The following SEMA3D variants were observed in gnomAD, a reference collection of about 807,000 sequenced individuals.
SEMA3D encodes semaphorin-3D.
A neutral mutation model predicts 100.1 loss-of-function variants in SEMA3D; 84 were observed. That is an observed-to-expected ratio of 0.84 (90% confidence interval 0.70 to 1.01). The LOEUF is 1.01. Ranked by LOEUF, SEMA3D falls within the 50% of genes least tolerant of loss-of-function variation. The pLI, the probability that SEMA3D is intolerant of heterozygous loss-of-function variation, is 0.00. For missense variants in SEMA3D, 875 were observed against 934.1 expected, an observed-to-expected ratio of 0.94 and a Z score of 0.82; for synonymous variants, 312 against 320.7, an observed-to-expected ratio of 0.97 and a Z score of 0.29.
chr7:85,064,813 T>C (rs540676125), intron 8 of SEMA3D, among the ~76,000 whole-genome samples: 408 of 152,306 alleles, frequency 2.7e-3, no homozygotes, highest in Non-Finnish European at 4.6e-3. Context: ...TATTCTTATG[T>C]TTTTTAAAAA....
At chr7:85,034,302 TA>T (rs886485182) in intron 12 of SEMA3D, among the ~76,000 whole-genome samples, 2 of 152,034 alleles carry the variant, frequency 1.3e-5, no homozygotes, top group South Asian at 4.2e-4. Flanking sequence ...AAAAAATAGT[TA>T]AAAAAGCATT....
At position 85,012,851 on chromosome 7, in the gene SEMA3D, G is replaced by A. The variant is rs575976520; in HGVS notation, c.1704-5C>T. ...ACATCTTGGCGTCTAGCTCTCCTGC[G>A]GAAAGGGGATTAAACTTATTAGAAC... On this transcript the variant is annotated splice_region_variant and splice_polypyrimidine_tract_variant and intron_variant, in intron 16 of 18. Transcript: ENST00000284136. 2.7e-5 allele frequency: 44 copies of A among 1,608,702 alleles called. No homozygotes were observed. The highest frequency in any genetic ancestry group is 2.4e-4 in the African/African-American group (18 of 74,704).
intron 4 of SEMA3D, among the ~76,000 whole-genome samples, chr7:85,092,167 T>C (rs1023940321): frequency 5.3e-5 from 8 of 152,114 alleles, no homozygotes; most frequent in Non-Finnish European, 8.8e-5. Flanking sequence ...CGTCTTGTAC[T>C]AGTTCAAAAC....
chr7:85,042,390 C>A, intron 9 of SEMA3D, 105 bp from the exon 10 acceptor site: 1 of 775,756 alleles, frequency 1.3e-6, no homozygotes. Context: ...TCATTGTTTA[C>A]AAAGACACTG....
At chr7:85,142,673 CATTTT>C in intron 2 of SEMA3D, 1 of 675,884 alleles carries the variant, frequency 1.5e-6, no homozygotes, top group Non-Finnish European at 1.7e-6. Flanking sequence ...AGAAGGATGG[CATTTT>C]TTTTTTTTTT....
the SEMA3D span, among the ~76,000 whole-genome samples, chr7:85,193,507 G>T: frequency 1.3e-5 from 2 of 152,106 alleles, no homozygotes; most frequent in Non-Finnish European, 2.9e-5. Context: ...TATGACCAGC[G>T]TCTAACCTGC....
intron 11 of SEMA3D, among the ~76,000 whole-genome samples, chr7:85,037,363 C>A (rs115571632): frequency 2.6e-5 from 4 of 151,974 alleles, no homozygotes; most frequent in African/African-American, 7.2e-5. Flanking sequence ...ATAAAACAAA[C>A]CCTGGAGGAT....
At position 85,081,441 on chromosome 7, in the gene SEMA3D, G is replaced by A. The variant is rs10234351; in HGVS notation, c.375+76C>T. On this transcript the variant is annotated intron_variant, in intron 5 of 18. Transcript: ENST00000284136. ...ATAATACACTAATACCATTAATTCA[G>A]TAAAGCCCAATATAAATATTTGCTA... 88 of 943,078 alleles carry A rather than the reference G, an allele frequency of 9.3e-5. No individual in the cohort carries two copies. The African/African-American group carries it at 1.2e-3, about 12-fold the overall frequency. 58.4% of individuals were successfully genotyped at this position (943,078 alleles called of 1,614,324 possible).
At chr7:85,094,234 A>T (rs1157740452) in intron 4 of SEMA3D, among the ~76,000 whole-genome samples, 1 of 152,104 alleles carries the variant, frequency 6.6e-6, no homozygotes, top group African/African-American at 2.4e-5. Flanking sequence ...GAAGAGCCTT[A>T]GAAGTCAATA....
chr7:85,161,346 C>G (rs1325046662), intron 1 of SEMA3D, among the ~76,000 whole-genome samples: 2 of 149,570 alleles, frequency 1.3e-5, no homozygotes, highest in Non-Finnish European at 3.0e-5. Context: ...GAATGAATCA[C>G]TCACATAATT....
At chr7:85,104,377 T>TC (rs1193990116) in intron 3 of SEMA3D, among the ~76,000 whole-genome samples, 1 of 152,138 alleles carries the variant, frequency 6.6e-6, no homozygotes, top group African/African-American at 2.4e-5. Flanking sequence ...TATCTATATT[T>TC]CCTTTAGCAA....
At chr7:85,084,426 A>G (rs937958249) in intron 4 of SEMA3D, among the ~76,000 whole-genome samples, 1 of 152,170 alleles carries the variant, frequency 6.6e-6, no homozygotes, top group African/African-American at 2.4e-5. Flanking sequence ...GTTCTTCAAT[A>G]ATACAGTGAT....
intron 8 of SEMA3D, among the ~76,000 whole-genome samples, chr7:85,062,904 A>C (rs1355563742): frequency 1.3e-5 from 2 of 152,158 alleles, no homozygotes; most frequent in Non-Finnish European, 2.9e-5. Context: ...TGAAGTGTAG[A>C]GGGAGAGAAT....
the SEMA3D span, among the ~76,000 whole-genome samples, chr7:85,196,850 A>C: frequency 6.6e-6 from 1 of 152,324 alleles, no homozygotes; most frequent in South Asian, 2.1e-4. Context: ...ATAGTTACTG[A>C]GGATGGAAGT....
intron 2 of SEMA3D, among the ~76,000 whole-genome samples, chr7:85,137,124 G>C (rs1023443036): frequency 6.6e-6 from 1 of 151,812 alleles, no homozygotes; most frequent in African/African-American, 2.4e-5. Context: ...CTTTTTCAGG[G>C]ATCAATGTTA....
intron 18 of SEMA3D, among the ~76,000 whole-genome samples, chr7:85,005,523 A>G (rs1789771413): frequency 6.6e-6 from 1 of 152,096 alleles, no homozygotes; most frequent in African/African-American, 2.4e-5. Context: ...AACATTTAGA[A>G]AAAGTTATTC....
At chr7:85,075,231 G>C (rs548415941) in intron 5 of SEMA3D, among the ~76,000 whole-genome samples, 1 of 152,104 alleles carries the variant, frequency 6.6e-6, no homozygotes, top group Admixed American at 6.5e-5. Flanking sequence ...CAAAAGCTCA[G>C]TTAGAATTTA....
intron 1 of SEMA3D, chr7:85,167,538 G>A (rs1213637405): frequency 4.7e-5 from 11 of 235,196 alleles, no homozygotes; most frequent in Admixed American, 3.3e-4. Context: ...ATAAATACAC[G>A]AAATATCTTC....
chr7:85,119,224 A>T (rs1018628018), intron 3 of SEMA3D, among the ~76,000 whole-genome samples: 1 of 152,320 alleles, frequency 6.6e-6, no homozygotes, highest in Middle Eastern at 3.4e-3. Context: ...TCAAAGATCT[A>T]AAGACAGAAA....
Sources: gnomAD v4.1 joint callset for allele counts (sites outside exome capture counted in the v4.1 genomes callset) on GRCh38, gnomAD v4.1.1 for gene constraint, MANE v1.5 for transcripts, NCBI Gene and HGNC (gene_info 2026-07-23, HGNC 2026-07-21) for gene names.